The following FAM167A variants were observed in gnomAD, a reference collection of about 807,000 sequenced individuals.
The protein encoded by FAM167A is protein FAM167A.
In FAM167A, 23 loss-of-function variants were observed where a neutral mutation model predicts 14.9. That is an observed-to-expected ratio of 1.55 (90% CI 1.11 to 2.19). FAM167A has a LOEUF of 2.19. Ranked by LOEUF, FAM167A falls within the 30% of genes most tolerant of loss-of-function variation. The probability of loss-of-function intolerance (pLI) is 0.00; values close to 1 mark genes in which losing one functional copy is unlikely to be tolerated. For missense variants in FAM167A, 401 were observed against 281.5 expected (o/e 1.42, Z -3.04); for synonymous variants, 174 against 117.7 (o/e 1.48, Z -3.10).
Position 11,421,977 on chromosome 8 carries a change from A to G in FAM167A, c.*2396T>C. ...AGTCAACACTGGACGATGTTTAGAA[A>G]ACATCGCTGTCCCCCTCCACTTCTC... On this transcript the variant is annotated 3_prime_UTR_variant, in exon 3 of 3. Transcript: ENST00000284486. The G allele has an allele frequency of 2.5e-6, 1 of 396,932 alleles. No individual in the cohort carries two copies. The highest frequency in any genetic ancestry group is 4.4e-6 in the Non-Finnish European group (1 of 225,502). 24.6% of individuals were successfully genotyped at this position (396,932 alleles called of 1,614,324 possible).
chr8:11,424,438 T>C lies in FAM167A; in HGVS notation c.580A>G (p.Thr194Ala). 2 of 1,613,474 alleles carry C rather than the reference T, an allele frequency of 1.2e-6. No homozygotes were observed. The highest frequency in any genetic ancestry group is 8.5e-7 in the Non-Finnish European group (1 of 1,179,854). Residue 194 changes from threonine (T) to alanine (A), a missense_variant, in exon 3 of 3, where the codon ACA becomes GCA. Thr to Ala is a moderately conservative substitution (Grantham distance 58, BLOSUM62 0). Coordinates refer to ENST00000284486, the MANE Select transcript of FAM167A (RefSeq NM_053279.3). ...SPLASSFSLS[T>A]PLKLIGVTKM... The stretch of plus-strand genomic sequence containing the variant: ...GTCACGCCAATAAGCTTGAGTGGTG[T>C]GGAGAGGCTGAAGGAGGAGGCAAGA...
intron 1 of FAM167A, among the ~76,000 whole-genome samples, chr8:11,448,320 C>G (rs116305782): frequency 1.3e-5 from 2 of 150,556 alleles, no homozygotes; most frequent in Non-Finnish European, 3.0e-5. Context: ...ACATCTACCT[C>G]GTAAGTCCTA....
At chr8:11,459,851 G>C (rs1807468613) in intron 1 of FAM167A, among the ~76,000 whole-genome samples, 1 of 152,150 alleles carries the variant, frequency 6.6e-6, no homozygotes, top group African/African-American at 2.4e-5. Flanking sequence ...GAGTAGCTGG[G>C]ATTACAGGCA....
chr8:11,463,252 C>T (rs1807607498), intron 1 of FAM167A, among the ~76,000 whole-genome samples: 1 of 152,194 alleles, frequency 6.6e-6, no homozygotes, highest in South Asian at 2.1e-4. Context: ...TTGGGAAGTG[C>T]CTTTGTGACT....
chr8:11,475,855 C>G (rs748137686), intron 1 of FAM167A, among the ~76,000 whole-genome samples: 1 of 152,184 alleles, frequency 6.6e-6, no homozygotes, highest in Non-Finnish European at 1.5e-5. Context: ...ACCTGCCACT[C>G]CCACACTCAC....
At position 11,451,859 on chromosome 8, in the gene FAM167A, T is replaced by C. The variant is rs148330367; in HGVS notation, c.-397-7051A>G. On this transcript the variant is annotated intron_variant, in intron 1 of 2. Coordinates refer to ENST00000284486, the MANE Select transcript of FAM167A (RefSeq NM_053279.3). ...ATCTCCTGCCTCTGCCTTCTGGATC[T>C]GCCCTGGTTCTGCCTGTTTTCTGGT... Among the ~76,000 whole-genome samples the C allele has an allele frequency of 1.5e-3, 226 of 152,368 alleles. 4 individuals carry two copies. Among genetic ancestry groups the C allele is most frequent in the African/African-American group, 5.1e-3 (214 of 41,586 alleles).
chr8:11,463,756 G>A (rs1363756349), intron 1 of FAM167A, among the ~76,000 whole-genome samples: 1 of 152,210 alleles, frequency 6.6e-6, no homozygotes, highest in Non-Finnish European at 1.5e-5. Context: ...CTTGGTCCAT[G>A]CCCCCAGTGG....
At chr8:11,464,541 A>G (rs548001478) in intron 1 of FAM167A, among the ~76,000 whole-genome samples, 9 of 151,844 alleles carry the variant, frequency 5.9e-5, no homozygotes, top group Non-Finnish European at 1.2e-4. Context: ...ATGGCAATCC[A>G]AGTCTCGGGG....
chr8:11,429,267 TG>T lies in FAM167A; in HGVS notation c.382-4632del, dbSNP rs1805406152. ...TAGCATAATGTCCTCTGGTTTCTGA[TG>T]GCTAAGAAGCTTTTTATAAATTAAT... On this transcript the variant is annotated intron_variant, in intron 2 of 2. Transcript: ENST00000284486. 2.6e-5 allele frequency among the ~76,000 whole-genome samples: 4 copies of T among 152,368 alleles called. No homozygotes were observed. In the South Asian group the frequency reaches 8.3e-4, roughly 32 times the overall value.
chr8:11,429,523 A>G (rs931062024), intron 2 of FAM167A, among the ~76,000 whole-genome samples: 8 of 152,168 alleles, frequency 5.3e-5, no homozygotes, highest in African/African-American at 1.9e-4. Flanking sequence ...TTTGACATAG[A>G]TTGTTTCATC....
At chr8:11,454,974 C>T (rs966883497) in intron 1 of FAM167A, among the ~76,000 whole-genome samples, 1 of 151,146 alleles carries the variant, frequency 6.6e-6, no homozygotes, top group Non-Finnish European at 1.5e-5. Context: ...ACCCTGCTGT[C>T]TAGCCCTGGC....
chr8:11,475,744 T>C (rs59204269), intron 1 of FAM167A, among the ~76,000 whole-genome samples: 9,298 of 152,186 alleles, frequency 0.061, 657 homozygotes, highest in African/African-American at 0.18. Flanking sequence ...TTCTCTAATC[T>C]TTCCCTAAAT....
At position 11,433,204 on chromosome 8, in the gene FAM167A, T is replaced by TAA. The variant is rs34636796; in HGVS notation, c.382-8570_382-8569dup. On this transcript the variant is annotated intron_variant, in intron 2 of 2. Coordinates refer to ENST00000284486, the MANE Select transcript of FAM167A (RefSeq NM_053279.3). ...ATGTAATCCAGAACTTAAAGTATGATAAAAAAAAATAAAAAATAAAAAAGA... is the reference window on the plus strand; with the variant it reads ...ATGTAATCCAGAACTTAAAGTATGATAAAAAAAAAAATAAAAAATAAAAAAGA... Among the ~76,000 whole-genome samples, 183 of 150,458 alleles carry TAA rather than the reference T, an allele frequency of 1.2e-3. 1 individual carries two copies. Among genetic ancestry groups the TAA allele is most frequent in the African/African-American group, 1.2e-3 (48 of 40,830 alleles).
In FAM167A at chr8:11,438,582, G is replaced by A. The variant is rs1057750; in HGVS notation, c.381+5449C>T. 291,578 of 433,338 alleles carry A rather than the reference G, an allele frequency of 0.67. 99,043 individuals carry two copies. The highest frequency in any genetic ancestry group is 0.81 in the African/African-American group (39,256 of 48,492). The allele number at this position is 433,338 out of a possible 1,614,324, so 26.8% of individuals were successfully genotyped here. A position where few individuals can be genotyped will look rare whatever the true frequency, so the allele number is the denominator to read the frequency against. ...ATTATACATGATATATTCCTATTTT[G>A]GAAACTTCGAAAACTATAAAAAAGT... On this transcript the variant is annotated intron_variant, in intron 2 of 2. Transcript: ENST00000284486.
At chr8:11,432,318 A>G (rs1432096846) in intron 2 of FAM167A, among the ~76,000 whole-genome samples, 1 of 152,222 alleles carries the variant, frequency 6.6e-6, no homozygotes, top group African/African-American at 2.4e-5. Flanking sequence ...TTTGCAATCT[A>G]TCCATCTGAC....
At chr8:11,474,966 A>T (rs1295208008) in intron 1 of FAM167A, among the ~76,000 whole-genome samples, 1 of 152,076 alleles carries the variant, frequency 6.6e-6, no homozygotes, top group Non-Finnish European at 1.5e-5. Flanking sequence ...AAAGGTTCAG[A>T]GTGGGTTGCA....
chr8:11,427,250 G>GGCTCCATATTTTACCAGCCA (rs1805234827), intron 2 of FAM167A, among the ~76,000 whole-genome samples: 1 of 152,156 alleles, frequency 6.6e-6, no homozygotes, highest in Non-Finnish European at 1.5e-5. Context: ...AGGACAGTCT[G>GGCTCCATATTTTACCAGCCA]GCTCCATATT....
At chr8:11,429,018 C>T (rs1021216538) in intron 2 of FAM167A, among the ~76,000 whole-genome samples, 26 of 152,140 alleles carry the variant, frequency 1.7e-4, no homozygotes, top group Admixed American at 1.2e-3. Flanking sequence ...GTGTACAGCT[C>T]GGTGGCAATT....
At chr8:11,437,773 CAG>C (rs1806130275) in intron 2 of FAM167A, among the ~76,000 whole-genome samples, 1 of 152,160 alleles carries the variant, frequency 6.6e-6, no homozygotes, top group Non-Finnish European at 1.5e-5. Context: ...GGGTGCCCAT[CAG>C]AGGAATTGAG....
Sources: allele counts gnomAD v4.1 joint callset (sites outside exome capture counted in the v4.1 genomes callset), GRCh38; gene constraint gnomAD v4.1.1; transcripts MANE v1.5; gene names NCBI Gene and HGNC (gene_info 2026-07-23, HGNC 2026-07-21).